The following RSF1 variants were observed in gnomAD, a reference collection of about 807,000 sequenced individuals.
The protein encoded by RSF1 is remodeling and spacing factor 1, also known as HBV pX-associated protein 8.
A neutral mutation model predicts 145.2 loss-of-function variants in RSF1; 13 were observed. That is an observed-to-expected ratio of 0.09 (90% CI 0.06 to 0.14). The LOEUF (loss-of-function observed/expected upper bound fraction) is 0.14, where lower values mean the gene tolerates loss of function less well. Among genes scored for constraint, RSF1 ranks in the 10% least tolerant of loss-of-function variants. The probability of loss-of-function intolerance (pLI) is 1.00; values close to 1 mark genes in which losing one functional copy is unlikely to be tolerated. For missense variants in RSF1, 1,517 were observed against 1,718.2 expected, an observed-to-expected ratio of 0.88 and a Z score of 2.07; for synonymous variants, 577 against 592.6, an observed-to-expected ratio of 0.97 and a Z score of 0.38.
intron 14 of RSF1, among the ~76,000 whole-genome samples, chr11:77,674,289 G>T (rs557652928): frequency 1.1e-4 from 17 of 152,278 alleles, no homozygotes; most frequent in African/African-American, 3.8e-4. Flanking sequence ...CTATCAATTT[G>T]CCAATTACAT....
chr11:77,724,262 T>C (rs1412163587), intron 5 of RSF1, among the ~76,000 whole-genome samples: 1 of 152,174 alleles, frequency 6.6e-6, no homozygotes, highest in Non-Finnish European at 1.5e-5. Context: ...ACTAGAGTCC[T>C]TGGGCACTAC....
At chr11:77,691,757 A>G in intron 8 of RSF1, 1 of 152,676 alleles carries the variant, frequency 6.5e-6, no homozygotes. Flanking sequence ...CTTAAAAAAA[A>G]AGACTGTAAA....
intron 10 of RSF1, 89 bp from the exon 11 acceptor site, chr11:77,683,908 T>C (rs866431942): frequency 3.7e-5 from 35 of 938,770 alleles, no homozygotes; most frequent in South Asian, 6.5e-5. Context: ...TCCATTTAGG[T>C]AGCACATGTG....
chr11:77,849,195 C>A, the RSF1 span, among the ~76,000 whole-genome samples: 1 of 151,936 alleles, frequency 6.6e-6, no homozygotes, highest in Admixed American at 6.6e-5. Context: ...TGCCTCCATA[C>A]CTGGCTAATT....
intron 6 of RSF1, 33 bp from the exon 7 acceptor site, chr11:77,698,726 G>T: frequency 1.9e-6 from 3 of 1,558,798 alleles, no homozygotes; most frequent in South Asian, 1.1e-5. Flanking sequence ...GGGATAATTT[G>T]ATATAAGAAT....
the RSF1 span, chr11:77,851,578 TTGGGTCATG>T: frequency 7.9e-5 from 12 of 152,210 alleles, no homozygotes; most frequent in African/African-American, 2.6e-4. Flanking sequence ...TGGGAGGTAA[TTGGGTCATG>T]TGGGCAGTTC....
the RSF1 span, among the ~76,000 whole-genome samples, chr11:77,831,718 C>T: frequency 6.9e-6 from 1 of 144,440 alleles, no homozygotes; most frequent in African/African-American, 2.5e-5. Context: ...TTTTCTGAGA[C>T]AGGGTCTCAC....
upstream of RSF1, among the ~76,000 whole-genome samples, chr11:77,824,422 C>T (rs1348946968): frequency 6.6e-6 from 1 of 151,980 alleles, no homozygotes; most frequent in East Asian, 1.9e-4. Context: ...AATTTCATGT[C>T]CTATTAGGGG....
At chr11:77,670,391 T>C (rs1959489335) in intron 15 of RSF1, among the ~76,000 whole-genome samples, 1 of 152,222 alleles carries the variant, frequency 6.6e-6, no homozygotes, top group Non-Finnish European at 1.5e-5. Context: ...TTCACTCAAA[T>C]GTTTTCTTAG....
chr11:77,764,539 C>A, intron 2 of RSF1, 59 bp downstream of exon 2: 1 of 947,284 alleles, frequency 1.1e-6, no homozygotes, highest in East Asian at 2.4e-5. Flanking sequence ...AACATAATAT[C>A]AATTTATGCT....
rs558326407 is a variant in RSF1, at chr11:77,661,462, T to C, written c.*5455A>G. 1.2e-4 allele frequency: 18 copies of C among 151,986 alleles called. No homozygotes were observed. The highest frequency in any genetic ancestry group is 3.9e-4 in the African/African-American group (16 of 41,422). 9.4% of individuals were successfully genotyped at this position (151,986 alleles called of 1,614,324 possible). A position where few individuals can be genotyped will look rare whatever the true frequency, so the allele number is the denominator to read the frequency against. On this transcript the variant is annotated 3_prime_UTR_variant, in exon 16 of 16. Transcript: ENST00000308488. ...ATGTGTGTGTGTGTGTGTGTGTGTGTGCAATTTTCATGCAGTGACCTTAAA... is the reference window on the plus strand; with the variant it reads ...ATGTGTGTGTGTGTGTGTGTGTGTGCGCAATTTTCATGCAGTGACCTTAAA...
chr11:77,742,066 T>C (rs1333844820), intron 3 of RSF1, among the ~76,000 whole-genome samples: 3 of 152,224 alleles, frequency 2.0e-5, no homozygotes, highest in African/African-American at 7.2e-5. Context: ...TTTAGAATGA[T>C]CCTGTATCTT....
intron 1 of RSF1, among the ~76,000 whole-genome samples, chr11:77,769,007 T>C (rs535558313): frequency 6.6e-6 from 1 of 152,342 alleles, no homozygotes; most frequent in African/African-American, 2.4e-5. Context: ...TCTTAAATTT[T>C]AATAAACACG....
At chr11:77,745,452 C>T (rs1392221844) in intron 3 of RSF1, among the ~76,000 whole-genome samples, 1 of 151,816 alleles carries the variant, frequency 6.6e-6, no homozygotes, top group Non-Finnish European at 1.5e-5. Flanking sequence ...TTTGTAAGTT[C>T]TGGCATGTTG....
chr11:77,688,898 A>C (rs1324185181), intron 9 of RSF1, among the ~76,000 whole-genome samples: 1 of 152,252 alleles, frequency 6.6e-6, no homozygotes, highest in East Asian at 1.9e-4. Flanking sequence ...GGGTAGTAAA[A>C]AAAACAAAAC....
chr11:77,778,654 C>T (rs1948372900), intron 1 of RSF1, among the ~76,000 whole-genome samples: 1 of 152,038 alleles, frequency 6.6e-6, no homozygotes. Flanking sequence ...TAATTTTTAA[C>T]AATTTTTAGC....
chr11:77,869,649 A>G, the RSF1 span: 23 of 1,394,330 alleles, frequency 1.6e-5, no homozygotes, highest in Non-Finnish European at 2.3e-5. Flanking sequence ...TGAATGAATG[A>G]ATCCCACAAG....
chr11:77,801,207 C>T (rs1948623243), intron 1 of RSF1, among the ~76,000 whole-genome samples: 1 of 152,038 alleles, frequency 6.6e-6, no homozygotes, highest in African/African-American at 2.4e-5. Context: ...GTGGCTGGAT[C>T]ACCTGAGGTC....
At chr11:77,837,285 G>C in the RSF1 span, among the ~76,000 whole-genome samples, 2 of 151,734 alleles carry the variant, frequency 1.3e-5, no homozygotes, top group Non-Finnish European at 2.9e-5. Flanking sequence ...ACAGGCACCC[G>C]CCACCACACC....
Sources: gnomAD v4.1 joint callset for allele counts (sites outside exome capture counted in the v4.1 genomes callset) on GRCh38, gnomAD v4.1.1 for gene constraint, MANE v1.5 for transcripts, NCBI Gene and HGNC (gene_info 2026-07-23, HGNC 2026-07-21) for gene names.